Variants in LRPPRC observed in about 807,000 individuals in gnomAD.
LRPPRC encodes the protein leucine rich pentatricopeptide repeat containing, also known as leucine-rich PPR motif-containing protein, mitochondrial.
Under a neutral mutation model 180.3 loss-of-function variants are expected in LRPPRC, and 120 were observed. The ratio of observed to expected loss-of-function variants is 0.67; its 90% CI spans 0.57 to 0.77. LRPPRC has a LOEUF of 0.77. Among genes scored for constraint, LRPPRC ranks in the 30% least tolerant of loss-of-function variants. The pLI is 0.00. For synonymous variants in LRPPRC, 723 were observed against 600.0 expected (o/e 1.21, Z -3.00); for missense variants, 2,012 against 1,657.2 (o/e 1.21, Z -3.72).
intron 23 of LRPPRC, among the ~76,000 whole-genome samples, chr2:43,936,039 TGCCATTGC>T (rs1422100424): frequency 1.3e-5 from 2 of 151,820 alleles, no homozygotes; most frequent in African/African-American, 4.8e-5. Flanking sequence ...GCTGAGATCG[TGCCATTGC>T]ACTCCAGCCT....
chr2:43,953,277 C>T (rs970394314), intron 14 of LRPPRC, among the ~76,000 whole-genome samples: 3 of 152,144 alleles, frequency 2.0e-5, no homozygotes, highest in Non-Finnish European at 4.4e-5. Context: ...TACACAAGTG[C>T]TCTGAATTAG....
At chr2:43,898,416 C>T (rs1330865684) in intron 34 of LRPPRC, among the ~76,000 whole-genome samples, 2 of 152,100 alleles carry the variant, frequency 1.3e-5, no homozygotes, top group Non-Finnish European at 2.9e-5. Flanking sequence ...TCCCACGCCT[C>T]AATTTGACAC....
At chr2:43,949,434 A>T (rs1672813418) in intron 16 of LRPPRC, among the ~76,000 whole-genome samples, 168 bp downstream of exon 16, 2 of 152,222 alleles carry the variant, frequency 1.3e-5, no homozygotes, top group African/African-American at 4.8e-5. Context: ...AACAAAATCA[A>T]ACACTTTAGA....
chr2:43,908,461 G>C (rs969016614), intron 30 of LRPPRC, among the ~76,000 whole-genome samples: 7 of 152,272 alleles, frequency 4.6e-5, no homozygotes, highest in African/African-American at 1.4e-4. Context: ...TAGAGGTCAA[G>C]TGTATCTGTA....
intron 36 of LRPPRC, chr2:43,890,343 C>A: frequency 2.1e-6 from 1 of 469,844 alleles, no homozygotes; most frequent in Non-Finnish European, 4.4e-6. Flanking sequence ...AGCTCAACAT[C>A]AAAAAAGCTT....
At chr2:43,967,050 C>G (rs966436146) in intron 11 of LRPPRC, among the ~76,000 whole-genome samples, 2 of 152,050 alleles carry the variant, frequency 1.3e-5, no homozygotes, top group Non-Finnish European at 2.9e-5. Flanking sequence ...CCATAACTAG[C>G]TGAGGTGATG....
intron 13 of LRPPRC, among the ~76,000 whole-genome samples, chr2:43,957,960 A>G (rs907173407): frequency 3.3e-5 from 5 of 152,216 alleles, no homozygotes; most frequent in Non-Finnish European, 7.3e-5. Context: ...GTAACCACCT[A>G]AAGTAATAAT....
intron 31 of LRPPRC, 37 bp from the exon 32 acceptor site, chr2:43,901,561 G>T (rs376340577): frequency 5.3e-6 from 7 of 1,310,216 alleles, no homozygotes; most frequent in Admixed American, 1.7e-5. Flanking sequence ...TTTCTTATAT[G>T]ACCTGTGCTG....
intron 37 of LRPPRC, 45 bp downstream of exon 37, chr2:43,889,689 T>G (rs1558884227): frequency 2.1e-5 from 31 of 1,443,144 alleles, no homozygotes; most frequent in Non-Finnish European, 2.8e-5. Flanking sequence ...GAAGTGCACA[T>G]AAATCTGCAG....
chr2:43,987,672 G>C (rs907110397), intron 1 of LRPPRC, among the ~76,000 whole-genome samples: 3 of 152,028 alleles, frequency 2.0e-5, no homozygotes, highest in Non-Finnish European at 4.4e-5. Flanking sequence ...TGAGGCTCTT[G>C]ATGAACTCAT....
intron 14 of LRPPRC, among the ~76,000 whole-genome samples, chr2:43,956,984 T>C (rs1316613482): frequency 6.6e-6 from 1 of 152,142 alleles, no homozygotes; most frequent in Non-Finnish European, 1.5e-5. Flanking sequence ...AATAACAAAA[T>C]TGGAAGGGCA....
intron 23 of LRPPRC, among the ~76,000 whole-genome samples, chr2:43,938,933 A>T (rs1672371804): frequency 6.6e-6 from 1 of 152,132 alleles, no homozygotes; most frequent in African/African-American, 2.4e-5. Context: ...AAGTCTCGTA[A>T]TTTATACTAA....
chr2:43,981,526 A>G (rs1449260538), intron 2 of LRPPRC, among the ~76,000 whole-genome samples: 1 of 151,934 alleles, frequency 6.6e-6, no homozygotes, highest in African/African-American at 2.4e-5. Context: ...GGGCAGTGGC[A>G]TGCATCGGTA....
chr2:43,892,577 C>G (rs191257735), intron 36 of LRPPRC: 1 of 152,142 alleles, frequency 6.6e-6, no homozygotes, highest in Non-Finnish European at 1.5e-5. Flanking sequence ...CCCAAGAGCT[C>G]TGAAGGAGAT....
At chr2:43,945,473 A>G (rs1431941202) in intron 21 of LRPPRC, 56 bp from the exon 22 acceptor site, 1 of 963,422 alleles carries the variant, frequency 1.0e-6, no homozygotes, top group Non-Finnish European at 1.7e-6. Flanking sequence ...TGCTAAAAGA[A>G]CAGCAACATC....
intron 22 of LRPPRC, among the ~76,000 whole-genome samples, chr2:43,944,981 C>T (rs1401605964): frequency 3.9e-5 from 6 of 152,068 alleles, no homozygotes; most frequent in South Asian, 4.1e-4. Flanking sequence ...ATAGGTTTTA[C>T]GTTCAGCCTT....
intron 11 of LRPPRC, among the ~76,000 whole-genome samples, chr2:43,965,274 T>G (rs1673506477): frequency 6.6e-6 from 1 of 152,198 alleles, no homozygotes; most frequent in South Asian, 2.1e-4. Context: ...TTGGTCAAGC[T>G]GGTCTTGAAC....
intron 23 of LRPPRC, among the ~76,000 whole-genome samples, chr2:43,936,827 C>A (rs1446790381): frequency 1.3e-5 from 2 of 152,144 alleles, no homozygotes; most frequent in Admixed American, 1.3e-4. Flanking sequence ...GTAGATGTTG[C>A]AGGCTGGATT....
chr2:43,959,323 C>T (rs1485845721), intron 13 of LRPPRC: 1 of 649,676 alleles, frequency 1.5e-6, no homozygotes, highest in East Asian at 2.8e-5. Flanking sequence ...CACCATTTTT[C>T]ATACTGGACA....
Sources: gnomAD v4.1 joint callset for allele counts (sites outside exome capture counted in the v4.1 genomes callset) on GRCh38, gnomAD v4.1.1 for gene constraint, MANE v1.5 for transcripts, NCBI Gene and HGNC (gene_info 2026-07-23, HGNC 2026-07-21) for gene names.